Variants in RBFOX1 observed in about 807,000 individuals in gnomAD.
RBFOX1 encodes the protein RNA binding fox-1 homolog 1, also known as RNA binding protein fox-1 homolog 1.
A neutral mutation model predicts 57.7 loss-of-function variants in RBFOX1; 8 were observed. The observed-to-expected ratio is 0.14, with a 90% confidence interval of 0.08 to 0.25. The LOEUF (loss-of-function observed/expected upper bound fraction) is 0.25, where lower values mean the gene tolerates loss of function less well. RBFOX1 is among the 10% of genes least tolerant of loss of function. The pLI is 1.00. For missense variants in RBFOX1, 611 were observed against 548.5 expected, an observed-to-expected ratio of 1.11 and a Z score of -1.14; for synonymous variants, 326 against 222.4, an observed-to-expected ratio of 1.47 and a Z score of -4.15.
intron 2 of RBFOX1, among the ~76,000 whole-genome samples, chr16:5,473,321 A>T (rs2069201808): frequency 6.6e-6 from 1 of 152,142 alleles, no homozygotes. Context: ...CTTACCTGAC[A>T]CCTCATTACT....
intron 3 of RBFOX1, among the ~76,000 whole-genome samples, chr16:6,885,528 T>G (rs894997162): frequency 7.7e-6 from 1 of 130,712 alleles, no homozygotes; most frequent in East Asian, 2.3e-4. Flanking sequence ...CATTTTATTT[T>G]TTTATTTTTT....
Position 5,460,608 on chromosome 16 carries a change from C to T in RBFOX1, c.220-6608C>T, listed in dbSNP as rs531769668. On this transcript the variant is annotated intron_variant, in intron 1 of 2. Coordinates refer to the RBFOX1 transcript ENST00000585867. Reference sequence around the variant, plus strand: ...GATGGTGAGGGCTCGGCTGACAGTGCTCCTTGTCACAGCAACATGCTTTCC... The same window carrying T: ...GATGGTGAGGGCTCGGCTGACAGTGTTCCTTGTCACAGCAACATGCTTTCC... Among the ~76,000 whole-genome samples, 29 of 152,198 alleles carry T rather than the reference C, an allele frequency of 1.9e-4. 1 individual carries two copies. The highest frequency in any genetic ancestry group is 3.4e-4 in the Non-Finnish European group (23 of 68,034).
At chr16:6,323,649 A>C (rs2082051688) in intron 2 of RBFOX1, among the ~76,000 whole-genome samples, 1 of 152,222 alleles carries the variant, frequency 6.6e-6, no homozygotes, top group Non-Finnish European at 1.5e-5. Context: ...ATGCTTGTGA[A>C]TTGACCACAC....
chr16:6,997,912 A>T (rs1381467540), intron 3 of RBFOX1, among the ~76,000 whole-genome samples: 1 of 152,142 alleles, frequency 6.6e-6, no homozygotes, highest in Non-Finnish European at 1.5e-5. Flanking sequence ...AAGCTCTTAG[A>T]AAAAGGTTAA....
At chr16:7,512,989 C>T (rs965121700) in intron 4 of RBFOX1, among the ~76,000 whole-genome samples, 28 of 152,264 alleles carry the variant, frequency 1.8e-4, no homozygotes, top group Middle Eastern at 3.4e-3. Flanking sequence ...AGTGGACAGG[C>T]GCGGTGGCTC....
intron 4 of RBFOX1, among the ~76,000 whole-genome samples, chr16:7,206,627 G>A (rs1190948059): frequency 3.3e-5 from 5 of 152,058 alleles, no homozygotes; most frequent in Non-Finnish European, 7.3e-5. Flanking sequence ...GAAGTGCTAA[G>A]AATGCTGTCT....
At chr16:7,324,506 C>T (rs887067988) in intron 4 of RBFOX1, among the ~76,000 whole-genome samples, 11 of 152,180 alleles carry the variant, frequency 7.2e-5, no homozygotes, top group Admixed American at 1.3e-4. Context: ...AATTCTCAAA[C>T]CCAGTTGTCA....
chr16:5,789,008 T>C (rs2054601772), intron 3 of RBFOX1, among the ~76,000 whole-genome samples: 1 of 152,170 alleles, frequency 6.6e-6, no homozygotes, highest in African/African-American at 2.4e-5. Context: ...CAGCTGATTC[T>C]GATGGGATAG....
At chr16:5,930,139 C>T (rs540482000) in intron 4 of RBFOX1, among the ~76,000 whole-genome samples, 4 of 151,134 alleles carry the variant, frequency 2.6e-5, no homozygotes, top group African/African-American at 7.3e-5. Flanking sequence ...CCAGGGGCAT[C>T]TGTGTTAATG....
At chr16:7,168,966 G>A (rs976871287) in intron 4 of RBFOX1, among the ~76,000 whole-genome samples, 4 of 152,120 alleles carry the variant, frequency 2.6e-5, no homozygotes, top group African/African-American at 9.7e-5. Context: ...ACTCCATGGG[G>A]AATAATTCTG....
At chr16:5,434,478 T>C (rs2067855160) in intron 1 of RBFOX1, among the ~76,000 whole-genome samples, 1 of 151,798 alleles carries the variant, frequency 6.6e-6, no homozygotes. Context: ...TGCACCACCA[T>C]GCCCAGCTAA....
chr16:7,129,336 A>C (rs2069555033), intron 4 of RBFOX1, among the ~76,000 whole-genome samples: 1 of 152,140 alleles, frequency 6.6e-6, no homozygotes, highest in Admixed American at 6.6e-5. Flanking sequence ...CTTCATTTCT[A>C]AGATGAGGTA....
chr16:5,958,995 C>T lies in RBFOX1; in HGVS notation c.351+91660C>T, dbSNP rs551957949. On this transcript the variant is annotated intron_variant, in intron 4 of 19. Transcript: ENST00000641259. Reference sequence around the variant, plus strand: ...TATAAAATGACATATTTGCAAGTTCCAGGGATTAGGATGTGAACATCTTTG... The same window carrying T: ...TATAAAATGACATATTTGCAAGTTCTAGGGATTAGGATGTGAACATCTTTG... 2.0e-5 allele frequency among the ~76,000 whole-genome samples: 3 copies of T among 152,154 alleles called. No homozygotes were observed. The East Asian group carries it at 5.8e-4, about 29-fold the overall frequency.
chr16:7,539,177 A>G (rs936269534), intron 5 of RBFOX1, among the ~76,000 whole-genome samples: 3 of 152,272 alleles, frequency 2.0e-5, no homozygotes, highest in East Asian at 3.9e-4. Context: ...TCTTGAGTCC[A>G]CCATGATACT....
At chr16:6,589,038 AATG>A (rs1266777928) in intron 2 of RBFOX1, among the ~76,000 whole-genome samples, 1 of 152,172 alleles carries the variant, frequency 6.6e-6, no homozygotes, top group Non-Finnish European at 1.5e-5. Flanking sequence ...ACCTTTTCAG[AATG>A]GGTTATTACA....
chr16:6,627,738 C>G (rs577030893), intron 2 of RBFOX1, among the ~76,000 whole-genome samples: 2 of 152,064 alleles, frequency 1.3e-5, no homozygotes, highest in Non-Finnish European at 2.9e-5. Context: ...CCTCTGAGGC[C>G]GGAGGGAGGG....
intron 3 of RBFOX1, among the ~76,000 whole-genome samples, chr16:6,663,761 T>A (rs2154101115): frequency 6.6e-6 from 1 of 152,296 alleles, no homozygotes; most frequent in South Asian, 2.1e-4. Flanking sequence ...AAATGAAAAT[T>A]AGAGCATCCC....
At chr16:6,264,848 T>C (rs1176261798) in intron 1 of RBFOX1, among the ~76,000 whole-genome samples, 2 of 152,194 alleles carry the variant, frequency 1.3e-5, no homozygotes, top group Non-Finnish European at 2.9e-5. Context: ...AAATTTCTTT[T>C]CCTTGATTAC....
chr16:7,221,089 T>A (rs539305922), intron 4 of RBFOX1, among the ~76,000 whole-genome samples: 1 of 152,252 alleles, frequency 6.6e-6, no homozygotes, highest in South Asian at 2.1e-4. Flanking sequence ...GCCAGGTTGA[T>A]GTGACTAAAT....
Sources: gnomAD v4.1 joint callset for allele counts (sites outside exome capture counted in the v4.1 genomes callset) on GRCh38, gnomAD v4.1.1 for gene constraint, MANE v1.5 for transcripts, NCBI Gene and HGNC (gene_info 2026-07-23, HGNC 2026-07-21) for gene names.